Variants in DMXL1 observed in about 807,000 individuals in gnomAD.
The protein encoded by DMXL1 is Dmx like 1, also known as dmX-like protein 1.
In DMXL1, 99 loss-of-function variants were observed where a neutral mutation model predicts 319.2. The ratio of observed to expected loss-of-function variants is 0.31; its 90% CI spans 0.26 to 0.37. DMXL1 has a LOEUF of 0.37. Among genes scored for constraint, DMXL1 ranks in the 10% least tolerant of loss-of-function variants. The pLI, the probability that DMXL1 is intolerant of heterozygous loss-of-function variation, is 1.00. For synonymous variants in DMXL1, 1,385 were observed against 1,235.2 expected, an observed-to-expected ratio of 1.12 and a Z score of -2.54; for missense variants, 3,745 against 3,595.6, an observed-to-expected ratio of 1.04 and a Z score of -1.06.
intron 28 of DMXL1, among the ~76,000 whole-genome samples, chr5:119,189,363 T>TA (rs779860073): frequency 2.0e-5 from 3 of 151,950 alleles, no homozygotes; most frequent in Admixed American, 2.0e-4. Context: ...TGATAATCTT[T>TA]AAAAAAAAGC....
In DMXL1 at chr5:119,100,802, C is replaced by T. The variant is rs539267300; in HGVS notation, c.214-1133C>T. The T allele has an allele frequency of 1.4e-4, 13 of 91,052 alleles. No individual in the cohort carries two copies. The South Asian group carries it at 1.6e-3, about 11-fold the overall frequency. 5.6% of individuals were successfully genotyped at this position (91,052 alleles called of 1,614,324 possible). A position where few individuals can be genotyped will look rare whatever the true frequency, so the allele number is the denominator to read the frequency against. Reference sequence around the variant, plus strand: ...TTTTTTTTTTTTTTTTTTTTTGAGACGGAGTCTCACTTTGTCGCCCAGGCT... The same window carrying T: ...TTTTTTTTTTTTTTTTTTTTTGAGATGGAGTCTCACTTTGTCGCCCAGGCT... On this transcript the variant is annotated intron_variant, in intron 2 of 43. Coordinates refer to ENST00000539542, the MANE Select transcript of DMXL1 (RefSeq NM_001290321.3).
rs145462798 is a variant in DMXL1, at chr5:119,188,394, C to T, written c.7136-1314C>T. On this transcript the variant is annotated intron_variant, in intron 28 of 43. Transcript: ENST00000539542. Reference sequence around the variant, plus strand: ...TCCAGCCTAGGCAACATAAGGAGACCTCCATCTCTTAAAAAAGACAAAACA... The same window carrying T: ...TCCAGCCTAGGCAACATAAGGAGACTTCCATCTCTTAAAAAAGACAAAACA... Among the ~76,000 whole-genome samples the T allele has an allele frequency of 5.6e-3, 859 of 152,140 alleles. 9 individuals are homozygous for T. The highest frequency in any genetic ancestry group is 0.02 in the African/African-American group (826 of 41,506).
rs1773749859 is a variant in DMXL1 at position 119,167,889 on chromosome 5, A to G, written c.5398+25A>G. The G allele has an allele frequency of 2.5e-6, 4 of 1,597,524 alleles. No individual in the cohort carries two copies. In the East Asian group the frequency reaches 6.7e-5, roughly 27 times the overall value. On this transcript the variant is annotated intron_variant, in intron 23 of 43. Coordinates refer to ENST00000539542, the MANE Select transcript of DMXL1 (RefSeq NM_001290321.3). ...GGTAAGCTGCACTTCTAAGATGTTA[A>G]TGATTAAGAATATTATTGGTAATTG...
At chr5:119,090,467 T>C (rs1754507567) in intron 1 of DMXL1, among the ~76,000 whole-genome samples, 1 of 152,122 alleles carries the variant, frequency 6.6e-6, no homozygotes, top group Non-Finnish European at 1.5e-5. Context: ...CAAATCCCTC[T>C]TGAATGCCAA....
intron 10 of DMXL1, among the ~76,000 whole-genome samples, chr5:119,129,891 G>T (rs192792005): frequency 6.6e-6 from 1 of 152,186 alleles, no homozygotes; most frequent in Non-Finnish European, 1.5e-5. Flanking sequence ...GAGAAAGAAA[G>T]CATAGCTATT....
At position 119,217,148 on chromosome 5, in the gene DMXL1, T is replaced by A. The variant is rs111849519; in HGVS notation, c.8013+161T>A. Among the ~76,000 whole-genome samples, 410 of 152,308 alleles carry A rather than the reference T, an allele frequency of 2.7e-3. 2 individuals carry two copies. The highest frequency in any genetic ancestry group is 9.1e-3 in the African/African-American group (378 of 41,582). ...AATTTTATAAAATGATATTATTTGATAATGTGATTTTGTTATTATATGATT... is the reference window on the plus strand; with the variant it reads ...AATTTTATAAAATGATATTATTTGAAAATGTGATTTTGTTATTATATGATT... On this transcript the variant is annotated intron_variant, in intron 35 of 43. Coordinates refer to ENST00000539542, the MANE Select transcript of DMXL1 (RefSeq NM_001290321.3).
Position 119,077,633 on chromosome 5 carries a change from GC to G in DMXL1, c.87+5978del, listed in dbSNP as rs1462960844. ...CCACAGACACGTGCCACCATTCCTG[GC>G]TTTTTTTTTTTTTTTTTGTATATGT... On this transcript the variant is annotated intron_variant, in intron 1 of 43. Transcript: ENST00000539542. Among the ~76,000 whole-genome samples, 352 of 110,746 alleles carry G rather than the reference GC, an allele frequency of 3.2e-3. 2 individuals carry two copies. Among genetic ancestry groups the G allele is most frequent in the African/African-American group, 0.013 (342 of 26,980 alleles). The allele number at this position is 110,746 out of a possible 152,430, so 72.7% of individuals were successfully genotyped here.
In DMXL1 at chr5:119,203,314, T is replaced by C. The variant is rs765992240; in HGVS notation, c.7746-5T>C. The C allele has an allele frequency of 4.5e-6, 7 of 1,558,492 alleles. No individual in the cohort carries two copies. Among genetic ancestry groups the C allele is most frequent in the Admixed American group, 4.2e-5 (2 of 48,078 alleles). On this transcript the variant is annotated splice_region_variant and splice_polypyrimidine_tract_variant and intron_variant, in intron 32 of 43. Coordinates refer to ENST00000539542, the MANE Select transcript of DMXL1 (RefSeq NM_001290321.3). ...TATCATTAAATTTGCTGTCTCTCTC[T>C]GTAGATCCAAACACCATCTGGCACT...
intron 37 of DMXL1, among the ~76,000 whole-genome samples, chr5:119,221,878 G>T (rs528300344): frequency 3.0e-4 from 45 of 151,522 alleles, no homozygotes; most frequent in Middle Eastern, 6.8e-3. Context: ...TGTAGTGTTG[G>T]AGGATCTTTT....
rs200499562 is a variant in DMXL1 at position 119,216,889 on chromosome 5, C to T, written c.7927-12C>T. The T allele has an allele frequency of 4.6e-3, 7,001 of 1,520,504 alleles. 24 individuals are homozygous for T. The highest frequency in any genetic ancestry group is 5.4e-3 in the Non-Finnish European group (5,941 of 1,104,644). 94.2% of individuals were successfully genotyped at this position (1,520,504 alleles called of 1,614,324 possible). On this transcript the variant is annotated splice_polypyrimidine_tract_variant and intron_variant, in intron 34 of 43. Transcript: ENST00000539542. ...ATCAGTGCATTTTTGTGTTTTGTTT[C>T]CTTTTATTTAGATAGAAGCAGATTT...
chr5:119,156,898 G>T (rs1036644101), intron 19 of DMXL1, among the ~76,000 whole-genome samples: 15 of 151,738 alleles, frequency 9.9e-5, no homozygotes, highest in Non-Finnish European at 1.5e-4. Flanking sequence ...TCTCATTATG[G>T]CTTTAATTTG....
intron 28 of DMXL1, among the ~76,000 whole-genome samples, chr5:119,184,029 C>G (rs749769940): frequency 6.6e-6 from 1 of 151,362 alleles, no homozygotes; most frequent in Non-Finnish European, 1.5e-5. Flanking sequence ...ATTTATCTGA[C>G]CTAGACTCCC....
chr5:119,145,120 A>G (rs1177847491), intron 15 of DMXL1, among the ~76,000 whole-genome samples: 2 of 151,866 alleles, frequency 1.3e-5, no homozygotes, highest in African/African-American at 2.4e-5. Context: ...ATAAAGCTAC[A>G]GTCTCTTGGT....
Position 119,189,703 on chromosome 5 carries a change from G to A in DMXL1, c.7136-5G>A. On this transcript the variant is annotated splice_region_variant and splice_polypyrimidine_tract_variant and intron_variant, in intron 28 of 43. Transcript: ENST00000539542. ...TTCAGTAACATTTTATTTTCTTTTTGTTAGTTTCTTCACTAGTTGAAGAAG... is the reference window on the plus strand; with the variant it reads ...TTCAGTAACATTTTATTTTCTTTTTATTAGTTTCTTCACTAGTTGAAGAAG... The A allele has an allele frequency of 6.2e-7, 1 of 1,612,110 alleles. No individual in the cohort carries two copies. The highest frequency in any genetic ancestry group is 8.5e-7 in the Non-Finnish European group (1 of 1,178,888).
rs184553821 is a variant in DMXL1 at position 119,205,906 on chromosome 5, A to G, written c.7864-928A>G. Among the ~76,000 whole-genome samples the G allele has an allele frequency of 4.6e-5, 7 of 152,184 alleles. No homozygotes were observed. The East Asian group carries it at 1.2e-3, about 25-fold the overall frequency. On this transcript the variant is annotated intron_variant, in intron 33 of 43. Coordinates refer to ENST00000539542, the MANE Select transcript of DMXL1 (RefSeq NM_001290321.3). ...AGTCAAAGTCACTGTGATTTTCCAGATGGTTAGGAGATACATATATGACAG... is the reference window on the plus strand; with the variant it reads ...AGTCAAAGTCACTGTGATTTTCCAGGTGGTTAGGAGATACATATATGACAG...
chr5:119,134,401 CT>C lies in DMXL1; in HGVS notation c.2376+16del. The C allele has an allele frequency of 3.1e-6, 5 of 1,597,020 alleles. No individual in the cohort carries two copies. Among genetic ancestry groups the C allele is most frequent in the Non-Finnish European group, 4.3e-6 (5 of 1,171,896 alleles). On this transcript the variant is annotated intron_variant, in intron 13 of 43. Coordinates refer to ENST00000539542, the MANE Select transcript of DMXL1 (RefSeq NM_001290321.3). ...ACCCTGAAATTTCTGTAAGTAATGT[CT>C]TTTAAAACAGCTTAAGTATATAATA...
chr5:119,133,208 C>G lies in DMXL1; in HGVS notation c.1392C>G (p.Asn464Lys), dbSNP rs777773039. 6.8e-6 allele frequency: 11 copies of G among 1,614,142 alleles called. No homozygotes were observed. Among genetic ancestry groups the G allele is most frequent in the Non-Finnish European group, 9.3e-6 (11 of 1,180,002 alleles). ...KELGCDKMVPNSSFTSLSSAA... is the reference protein window; with the variant it reads ...KELGCDKMVPKSSFTSLSSAA... ...TAGGCTGTGATAAAATGGTACCAAA[C>G]TCAAGTTTTACATCATTATCGTCAG... The change falls in exon 11 of 44, where the codon AAC (asparagine) becomes AAG (lysine). Residue 464 changes from asparagine to lysine, a missense_variant. By Grantham distance (94) the Asn-to-Lys change is moderately conservative. This residue lies in a region of DMXL1 where 2,096 missense variants were observed against 1,985.4 expected (regional missense o/e 1.06). Transcript: ENST00000539542.
chr5:119,169,521 CT>C (rs950817171), intron 23 of DMXL1, among the ~76,000 whole-genome samples: 1 of 152,036 alleles, frequency 6.6e-6, no homozygotes, highest in African/African-American at 2.4e-5. Context: ...ATAAGGTGAA[CT>C]TTGATCAGAG....
intron 1 of DMXL1, among the ~76,000 whole-genome samples, chr5:119,089,582 A>T (rs189294919): frequency 6.7e-6 from 1 of 149,512 alleles, no homozygotes; most frequent in Non-Finnish European, 1.5e-5. Context: ...TGCTGGGATT[A>T]CAAGCATCAG....
Sources: allele counts gnomAD v4.1 joint callset (sites outside exome capture counted in the v4.1 genomes callset), GRCh38; gene constraint gnomAD v4.1.1; regional missense constraint gnomAD v4.1.1; transcripts MANE v1.5; gene names NCBI Gene and HGNC (gene_info 2026-07-23, HGNC 2026-07-21).